Variants in ESRRG observed in about 807,000 individuals in gnomAD.
ESRRG encodes the protein estrogen related receptor gamma, also known as estrogen-related receptor gamma.
Under a neutral mutation model 44.0 loss-of-function variants are expected in ESRRG, and 13 were observed. The ratio of observed to expected loss-of-function variants is 0.30; its 90% confidence interval spans 0.19 to 0.47. ESRRG has a LOEUF of 0.47. Ranked by LOEUF, ESRRG falls within the 20% of genes least tolerant of loss-of-function variation. The pLI is 1.00. For missense variants in ESRRG, 395 were observed against 580.6 expected (o/e 0.68, Z 3.29); for synonymous variants, 215 against 214.6 (o/e 1.00, Z -0.02).
At chr1:216,629,291 G>A (rs1413839797) in intron 3 of ESRRG, among the ~76,000 whole-genome samples, 1 of 152,138 alleles carries the variant, frequency 6.6e-6, no homozygotes, top group East Asian at 1.9e-4. Context: ...AGCTGACAGT[G>A]GAAAATTTCA....
intron 1 of ESRRG, among the ~76,000 whole-genome samples, chr1:216,993,132 G>GATGA (rs751425297): frequency 7.0e-4 from 106 of 152,268 alleles, no homozygotes; most frequent in African/African-American, 2.0e-3. Context: ...ACAAGTAGTT[G>GATGA]ATGAATGAAT....
At chr1:216,621,713 T>G (rs1468054584) in intron 3 of ESRRG, among the ~76,000 whole-genome samples, 2 of 152,214 alleles carry the variant, frequency 1.3e-5, no homozygotes, top group East Asian at 3.8e-4. Flanking sequence ...TGCAGACTGA[T>G]GGCATATGGG....
chr1:216,748,836 CA>C (rs1021072096), intron 2 of ESRRG, among the ~76,000 whole-genome samples: 4 of 152,090 alleles, frequency 2.6e-5, no homozygotes, highest in African/African-American at 9.7e-5. Context: ...GAAATAATCT[CA>C]AAACATGGTA....
chr1:216,809,607 A>G (rs1220572927), intron 2 of ESRRG, among the ~76,000 whole-genome samples: 2 of 152,212 alleles, frequency 1.3e-5, no homozygotes, highest in African/African-American at 4.8e-5. Flanking sequence ...GTTCTCCATA[A>G]AACCTAAAAT....
At position 217,031,784 on chromosome 1, in the gene ESRRG, C is replaced by T. The variant is rs183082038; in HGVS notation, c.-106+57723G>A. Among the ~76,000 whole-genome samples the T allele has an allele frequency of 4.8e-4, 73 of 152,326 alleles. 3 individuals are homozygous for T. In the South Asian group the frequency reaches 8.5e-3, roughly 18 times the overall value. ...TCTGATGGTTTCATTAGGGGCTTCC[C>T]GCTTTGCTCAGCTATCATTCTTCTC... On this transcript the variant is annotated intron_variant, in intron 1 of 7. Coordinates refer to the ESRRG transcript ENST00000359162.
At chr1:216,992,113 C>T (rs1352125387) in intron 1 of ESRRG, among the ~76,000 whole-genome samples, 1 of 152,176 alleles carries the variant, frequency 6.6e-6, no homozygotes, top group Non-Finnish European at 1.5e-5. Context: ...CCTACATAAC[C>T]TCAATTAAGA....
chr1:216,809,326 A>T (rs572213294), intron 2 of ESRRG, among the ~76,000 whole-genome samples: 12 of 6,168 alleles, frequency 1.9e-3, no homozygotes, highest in East Asian at 4.3e-3. Context: ...TTTTTACAGT[A>T]AAAAAAAAAA....
chr1:217,136,790 A>G (rs184073890), intron 1 of ESRRG, among the ~76,000 whole-genome samples: 2 of 152,078 alleles, frequency 1.3e-5, no homozygotes, highest in African/African-American at 2.4e-5. Context: ...TATAACAGAC[A>G]CTCGCTCCAT....
intron 1 of ESRRG, among the ~76,000 whole-genome samples, chr1:217,005,124 T>A (rs1560442915): frequency 6.6e-6 from 1 of 152,180 alleles, no homozygotes; most frequent in Non-Finnish European, 1.5e-5. Context: ...CAAAGAGATG[T>A]CTTAGTTAGC....
chr1:216,774,874 TCAC>T (rs1466603198), intron 2 of ESRRG, among the ~76,000 whole-genome samples: 1 of 139,434 alleles, frequency 7.2e-6, no homozygotes, highest in African/African-American at 2.7e-5. Context: ...CGAGCACAGC[TCAC>T]TGAAGCTTTG....
chr1:216,658,743 G>A (rs1017288108), intron 2 of ESRRG, among the ~76,000 whole-genome samples: 2 of 151,792 alleles, frequency 1.3e-5, no homozygotes, highest in Non-Finnish European at 2.9e-5. Context: ...TGAGGCAGGA[G>A]AATCACTTGA....
At chr1:216,729,923 G>A (rs1344652900) in intron 2 of ESRRG, among the ~76,000 whole-genome samples, 1 of 152,082 alleles carries the variant, frequency 6.6e-6, no homozygotes, top group African/African-American at 2.4e-5. Flanking sequence ...ACTAATCTAT[G>A]GCAGCACATA....
intron 2 of ESRRG, among the ~76,000 whole-genome samples, chr1:216,656,357 G>A (rs2070567633): frequency 6.6e-6 from 1 of 152,152 alleles, no homozygotes. Context: ...CAACATGGAA[G>A]CTCTCGGTTT....
rs78398455 is a variant in ESRRG at position 216,891,061 on chromosome 1, C to T, written c.-14+48521G>A. Among the ~76,000 whole-genome samples, 31 of 152,170 alleles carry T rather than the reference C, an allele frequency of 2.0e-4. No individual in the cohort carries two copies. In the East Asian group the frequency reaches 4.6e-3, roughly 23 times the overall value. ...TGGATTTCAAGAAAAAACATATGGACGCCCATATGGAAAAAAAGGTTTCCT... is the reference window on the plus strand; with the variant it reads ...TGGATTTCAAGAAAAAACATATGGATGCCCATATGGAAAAAAAGGTTTCCT... On this transcript the variant is annotated intron_variant, in intron 2 of 7. Transcript: ENST00000359162.
At chr1:216,588,762 A>G (rs938458218) in intron 3 of ESRRG, among the ~76,000 whole-genome samples, 4 of 152,178 alleles carry the variant, frequency 2.6e-5, no homozygotes, top group Admixed American at 6.5e-5. Context: ...AACTCTAAAC[A>G]AATTTTTTAA....
chr1:216,723,187 G>GCCCCCC, intron 1 of ESRRG, 57 bp downstream of exon 1: 8 of 1,412,864 alleles, frequency 5.7e-6, no homozygotes, highest in Non-Finnish European at 6.0e-6. Context: ...TAGTCTGTCC[G>GCCCCCC]CCCCCACCCC....
intron 3 of ESRRG, among the ~76,000 whole-genome samples, chr1:216,636,819 G>A (rs2065394958): frequency 6.6e-6 from 1 of 152,186 alleles, no homozygotes; most frequent in Non-Finnish European, 1.5e-5. Context: ...CAAAACTTTT[G>A]ATAGATTTTC....
chr1:217,029,510 C>T (rs1325387090), intron 1 of ESRRG, among the ~76,000 whole-genome samples: 2 of 152,170 alleles, frequency 1.3e-5, no homozygotes, highest in Non-Finnish European at 2.9e-5. Context: ...TGCCAGTTGT[C>T]ATAAAGTTAA....
intron 1 of ESRRG, among the ~76,000 whole-genome samples, chr1:216,722,706 T>C (rs1204722504): frequency 6.6e-6 from 1 of 152,210 alleles, no homozygotes; most frequent in African/African-American, 2.4e-5. Context: ...ATAACATTAT[T>C]CTAGCTCAGA....
Sources: allele counts gnomAD v4.1 joint callset (sites outside exome capture counted in the v4.1 genomes callset), GRCh38; gene constraint gnomAD v4.1.1; transcripts MANE v1.5; gene names NCBI Gene and HGNC (gene_info 2026-07-23, HGNC 2026-07-21).